The following TPRG1 variants were observed in gnomAD, a reference collection of about 807,000 sequenced individuals.
TPRG1 encodes the protein tumor protein p63 regulated 1.
A neutral mutation model predicts 29.3 loss-of-function variants in TPRG1; 29 were observed. The observed-to-expected ratio is 0.99, with a 90% CI of 0.74 to 1.35. The LOEUF (loss-of-function observed/expected upper bound fraction) is 1.35. TPRG1 is among the 40% of genes most tolerant of loss of function. The probability of loss-of-function intolerance (pLI) is 0.00; values close to 1 mark genes in which losing one functional copy is unlikely to be tolerated. For synonymous variants in TPRG1, 130 were observed against 116.8 expected (o/e 1.11, Z -0.73); for missense variants, 327 against 335.0 (o/e 0.98, Z 0.19).
intron 1 of TPRG1, among the ~76,000 whole-genome samples, chr3:189,190,335 A>G (rs987275872): frequency 5.3e-5 from 8 of 152,200 alleles, no homozygotes; most frequent in African/African-American, 1.9e-4. Context: ...GGGCAGCATC[A>G]AATTCTGGCC....
At chr3:189,130,229 G>A (rs993636906) in intron 2 of TPRG1, among the ~76,000 whole-genome samples, 3 of 152,176 alleles carry the variant, frequency 2.0e-5, no homozygotes, top group African/African-American at 7.2e-5. Context: ...TAAGCACCAT[G>A]AGATCTTTCT....
chr3:189,148,280 C>T (rs1725506010), intron 4 of TPRG1, among the ~76,000 whole-genome samples: 1 of 152,196 alleles, frequency 6.6e-6, no homozygotes, highest in South Asian at 2.1e-4. Context: ...CAGGCAACTC[C>T]TAGTCTTCAG....
At chr3:189,137,885 A>G (rs1723980619) in intron 3 of TPRG1, among the ~76,000 whole-genome samples, 1 of 152,138 alleles carries the variant, frequency 6.6e-6, no homozygotes, top group Non-Finnish European at 1.5e-5. Flanking sequence ...TCAAATGGAC[A>G]ATTCCATTTG....
chr3:189,231,943 T>TTGTGTGTGTGTGTGTGTGTG (rs10576562), intron 3 of TPRG1, among the ~76,000 whole-genome samples: 224 of 147,688 alleles, frequency 1.5e-3, no homozygotes, highest in African/African-American at 2.3e-3. Context: ...CAAACCTGGT[T>TTGTGTGTGTGTGTGTGTGTG]TGTGTGTGTG....
chr3:189,192,314 G>GTAGTAAAGA (rs1469753553), intron 1 of TPRG1, among the ~76,000 whole-genome samples: 1 of 152,136 alleles, frequency 6.6e-6, no homozygotes, highest in Non-Finnish European at 1.5e-5. Context: ...GAAGCTCCAT[G>GTAGTAAAGA]TAGTAAAGAT....
intron 3 of TPRG1, among the ~76,000 whole-genome samples, chr3:189,216,998 G>A (rs1736172694): frequency 6.6e-6 from 1 of 152,228 alleles, no homozygotes; most frequent in African/African-American, 2.4e-5. Context: ...AGTCAAGGCT[G>A]TTGTTGAGTT....
intron 1 of TPRG1, among the ~76,000 whole-genome samples, chr3:189,175,174 G>A (rs1729316153): frequency 6.6e-6 from 1 of 152,152 alleles, no homozygotes; most frequent in African/African-American, 2.4e-5. Flanking sequence ...AGACGAAGAA[G>A]AAAGCAAATA....
At chr3:189,179,827 C>T (rs141927963) in intron 1 of TPRG1, among the ~76,000 whole-genome samples, 156 of 152,298 alleles carry the variant, frequency 1.0e-3, no homozygotes, top group Middle Eastern at 3.4e-3. Context: ...GGGGAGTACC[C>T]AAGTTCAAGA....
chr3:189,319,896 C>T (rs1005234373), intron 5 of TPRG1, among the ~76,000 whole-genome samples: 5 of 152,040 alleles, frequency 3.3e-5, no homozygotes, highest in African/African-American at 1.2e-4. Flanking sequence ...TCCCTTACAG[C>T]TTTTGCAGGT....
chr3:189,317,028 C>T (rs1479551146), intron 5 of TPRG1, among the ~76,000 whole-genome samples: 1 of 152,122 alleles, frequency 6.6e-6, no homozygotes. Context: ...GTCCATCTGA[C>T]TCCAATGAAA....
At chr3:189,109,443 C>T (rs1313519861) in intron 1 of TPRG1, among the ~76,000 whole-genome samples, 1 of 152,158 alleles carries the variant, frequency 6.6e-6, no homozygotes, top group Admixed American at 6.5e-5. Context: ...GAGTACTGAT[C>T]CCTGGCAACC....
At chr3:189,176,223 T>C (rs1356319862) in intron 1 of TPRG1, among the ~76,000 whole-genome samples, 2 of 152,244 alleles carry the variant, frequency 1.3e-5, no homozygotes, top group African/African-American at 2.4e-5. Context: ...GTTGTACTTA[T>C]ATCTCAGAGT....
intron 4 of TPRG1, among the ~76,000 whole-genome samples, chr3:189,074,724 C>T (rs186273190): frequency 6.6e-6 from 1 of 151,934 alleles, no homozygotes; most frequent in Non-Finnish European, 1.5e-5. Flanking sequence ...ATTAATTATG[C>T]TTTTTAAAAT....
At chr3:189,185,268 G>A (rs1335451142) in intron 1 of TPRG1, among the ~76,000 whole-genome samples, 1 of 151,930 alleles carries the variant, frequency 6.6e-6, no homozygotes, top group African/African-American at 2.4e-5. Context: ...CAGGCTGGCT[G>A]GCAGGAGTGC....
chr3:189,072,217 C>A (rs1716853056), intron 4 of TPRG1, among the ~76,000 whole-genome samples: 1 of 152,182 alleles, frequency 6.6e-6, no homozygotes, highest in Admixed American at 6.5e-5. Context: ...ATTCATATAA[C>A]ATTTGACCTA....
intron 4 of TPRG1, among the ~76,000 whole-genome samples, chr3:189,265,330 A>G (rs62292397): frequency 0.049 from 7,427 of 152,204 alleles, 433 homozygotes; most frequent in East Asian, 0.28. Context: ...AGAAGCATCA[A>G]CCTGGACCTT....
intron 4 of TPRG1, among the ~76,000 whole-genome samples, chr3:189,059,766 T>C (rs908664769): frequency 2.0e-5 from 3 of 152,182 alleles, no homozygotes; most frequent in African/African-American, 7.2e-5. Context: ...CAAACCTTGA[T>C]AGTCTGGAAT....
At chr3:189,279,975 C>G (rs147610101) in intron 4 of TPRG1, among the ~76,000 whole-genome samples, 1 of 152,134 alleles carries the variant, frequency 6.6e-6, no homozygotes, top group Non-Finnish European at 1.5e-5. Context: ...TGGTAGATCA[C>G]GGGTCTTTAT....
chr3:189,076,754 T>C (rs16863947), intron 4 of TPRG1, among the ~76,000 whole-genome samples: 10,363 of 152,080 alleles, frequency 0.068, 1,148 homozygotes, highest in African/African-American at 0.23. Flanking sequence ...AAGATACTAA[T>C]GGGCCACCTA....
Sources: allele counts gnomAD v4.1 joint callset (sites outside exome capture counted in the v4.1 genomes callset), GRCh38; gene constraint gnomAD v4.1.1; transcripts MANE v1.5; gene names NCBI Gene and HGNC (gene_info 2026-07-23, HGNC 2026-07-21).